GABRG3: variants seen among roughly 807,000 people sequenced by gnomAD.
GABRG3 encodes gamma-aminobutyric acid type A receptor subunit gamma3, also known as gamma-aminobutyric acid receptor subunit gamma-3.
Under a neutral mutation model 48.8 loss-of-function variants are expected in GABRG3, and 25 were observed. The ratio of observed to expected loss-of-function variants is 0.51; its 90% CI spans 0.37 to 0.72. GABRG3 has a LOEUF of 0.72. GABRG3 is among the 30% of genes least tolerant of loss of function. The probability of loss-of-function intolerance (pLI) is 0.00; values close to 1 mark genes in which losing one functional copy is unlikely to be tolerated. For missense variants in GABRG3, 394 were observed against 577.9 expected (o/e 0.68, Z 3.26); for synonymous variants, 227 against 217.6 (o/e 1.04, Z -0.38).
At chr15:27,011,603 T>G (rs1443075623) in intron 2 of GABRG3, among the ~76,000 whole-genome samples, 2 of 152,024 alleles carry the variant, frequency 1.3e-5, no homozygotes, top group African/African-American at 4.8e-5. Context: ...ATCCCAGCAC[T>G]TTGGGAGGCT....
intron 2 of GABRG3, among the ~76,000 whole-genome samples, chr15:27,003,046 G>A (rs964180147): frequency 3.3e-5 from 5 of 151,712 alleles, no homozygotes; most frequent in Admixed American, 1.3e-4. Flanking sequence ...TATCACATGT[G>A]AATATTTAAA....
chr15:27,394,837 C>G (rs1887252626), intron 5 of GABRG3, among the ~76,000 whole-genome samples: 1 of 152,058 alleles, frequency 6.6e-6, no homozygotes, highest in South Asian at 2.1e-4. Flanking sequence ...TCGTTAAGCC[C>G]TTGTACTATG....
In GABRG3 at chr15:26,984,230, T is replaced by C. The variant is rs941789519; in HGVS notation, c.202+7080T>C. 2.6e-5 allele frequency among the ~76,000 whole-genome samples: 4 copies of C among 152,278 alleles called. No individual in the cohort carries two copies. The East Asian group carries it at 7.7e-4, about 29-fold the overall frequency. On this transcript the variant is annotated intron_variant, in intron 2 of 9. Coordinates refer to ENST00000615808, the MANE Select transcript of GABRG3 (RefSeq NM_033223.5). ...ACAGCTGAGGACTGGTCTTTTTTTT[T>C]CCCTCTAGGGCGCTGTTTCCAATTC...
chr15:27,315,774 T>A (rs1425599359), intron 3 of GABRG3, among the ~76,000 whole-genome samples: 1 of 152,248 alleles, frequency 6.6e-6, no homozygotes, highest in African/African-American at 2.4e-5. Context: ...ATAATTAAAA[T>A]GTTCTTAGAT....
chr15:27,093,928 G>A (rs1897233342), intron 3 of GABRG3, among the ~76,000 whole-genome samples: 1 of 152,180 alleles, frequency 6.6e-6, no homozygotes, highest in Non-Finnish European at 1.5e-5. Context: ...AGTGCCATGG[G>A]ACACCTTCTC....
At chr15:27,133,643 T>C (rs543987631) in intron 3 of GABRG3, among the ~76,000 whole-genome samples, 20 of 152,366 alleles carry the variant, frequency 1.3e-4, no homozygotes, top group African/African-American at 4.6e-4. Context: ...AAAATCCAAA[T>C]ATGAATTTCT....
chr15:27,053,399 A>G (rs552021683), intron 3 of GABRG3, among the ~76,000 whole-genome samples: 1 of 152,346 alleles, frequency 6.6e-6, no homozygotes, highest in Admixed American at 6.5e-5. Flanking sequence ...CAACATCACT[A>G]ACCGTCAGAG....
chr15:27,310,727 T>C (rs1892966862), intron 3 of GABRG3, among the ~76,000 whole-genome samples: 1 of 152,150 alleles, frequency 6.6e-6, no homozygotes, highest in African/African-American at 2.4e-5. Context: ...GTTATCAATG[T>C]TTATTAGAAA....
Position 27,447,715 on chromosome 15 carries a change from A to T in GABRG3, c.575-32935A>T, listed in dbSNP as rs2140638582. Among the ~76,000 whole-genome samples the T allele has an allele frequency of 6.6e-6, 1 of 152,350 alleles. No homozygotes were observed. The highest frequency in any genetic ancestry group is 2.1e-4 in the South Asian group (1 of 4,828). On this transcript the variant is annotated intron_variant, in intron 5 of 9. Transcript: ENST00000615808. This position sits in a 1 kb window ranked among gnomAD's most constrained non-coding sequence, Gnocchi z 4.0. Reference sequence around the variant, plus strand: ...TTTCCTTTGCAGAGACATGGATGACACTGGAAACCATCATTCTCAGCAGAC... The same window carrying T: ...TTTCCTTTGCAGAGACATGGATGACTCTGGAAACCATCATTCTCAGCAGAC...
In GABRG3 at chr15:27,541,015, G is replaced by A. The variant is rs1891652009; in HGVS notation, c.*8134G>A. 6.6e-6 allele frequency: 1 copy of A among 152,266 alleles called. No individual in the cohort carries two copies. 9.4% of individuals were successfully genotyped at this position (152,266 alleles called of 1,614,324 possible). ...GGAGCAAGGGAGAGGGAGAAAGAGA[G>A]GACAGAGGGAGAGAGAGAAAGTGGC... On this transcript the variant is annotated 3_prime_UTR_variant, in exon 10 of 10. Transcript: ENST00000615808.
chr15:27,133,463 C>T (rs536008719), intron 3 of GABRG3, among the ~76,000 whole-genome samples: 11 of 152,296 alleles, frequency 7.2e-5, no homozygotes, highest in South Asian at 2.1e-4. Context: ...TTGCCCAAGG[C>T]GCTGGTGAGG....
chr15:27,164,756 C>T (rs550171014), intron 3 of GABRG3, among the ~76,000 whole-genome samples: 37 of 152,366 alleles, frequency 2.4e-4, no homozygotes, highest in Non-Finnish European at 4.6e-4. Flanking sequence ...TGTAATATCA[C>T]ATTGGTGAAA....
intron 3 of GABRG3, among the ~76,000 whole-genome samples, chr15:27,170,501 A>G (rs1454918556): frequency 6.6e-6 from 1 of 152,216 alleles, no homozygotes; most frequent in Non-Finnish European, 1.5e-5. Flanking sequence ...TAGAAACTCT[A>G]AAATGCTCAG....
chr15:27,091,898 T>C (rs1459074234), intron 3 of GABRG3, among the ~76,000 whole-genome samples: 1 of 152,186 alleles, frequency 6.6e-6, no homozygotes, highest in Non-Finnish European at 1.5e-5. Flanking sequence ...GTGGCAAACA[T>C]TCCTTGGTTG....
At chr15:27,412,300 A>G (rs954360294) in intron 5 of GABRG3, among the ~76,000 whole-genome samples, 1 of 152,012 alleles carries the variant, frequency 6.6e-6, no homozygotes, top group Admixed American at 6.6e-5. Context: ...CATTTCCACC[A>G]TCCTATGGAT....
chr15:27,141,633 T>G (rs1363552371), intron 3 of GABRG3, among the ~76,000 whole-genome samples: 1 of 152,190 alleles, frequency 6.6e-6, no homozygotes, highest in Non-Finnish European at 1.5e-5. Flanking sequence ...AGGGATAAGG[T>G]CTATGGCAAA....
At chr15:27,375,419 A>G in intron 5 of GABRG3, among the ~76,000 whole-genome samples, 1 of 152,252 alleles carries the variant, frequency 6.6e-6, no homozygotes, top group East Asian at 1.9e-4. Context: ...ACTTTGGGCT[A>G]TTGGTTGATA....
At chr15:27,480,532 A>G (rs1175374325) in intron 5 of GABRG3, 118 bp from the exon 6 acceptor site, 18 of 939,580 alleles carry the variant, frequency 1.9e-5, no homozygotes, top group Admixed American at 2.8e-5. Flanking sequence ...GAGAGTGCAC[A>G]TATGGCCTAA....
Position 27,002,525 on chromosome 15 carries a change from A to G in GABRG3, c.203-24229A>G, listed in dbSNP as rs1895468179. Among the ~76,000 whole-genome samples, 4 of 152,086 alleles carry G rather than the reference A, an allele frequency of 2.6e-5. No homozygotes were observed. In the South Asian group the frequency reaches 8.3e-4, roughly 32 times the overall value. On this transcript the variant is annotated intron_variant, in intron 2 of 9. Transcript: ENST00000615808. ...CATTCTACTTTTAGTGCAGCATTTC[A>G]TTTTTTTCTTTAGATATTATTTTTA...
Sources: gnomAD v4.1 joint callset for allele counts (sites outside exome capture counted in the v4.1 genomes callset) on GRCh38, gnomAD v4.1.1 for gene constraint, Gnocchi (gnomAD v3.1) non-coding constraint, MANE v1.5 for transcripts, NCBI Gene and HGNC (gene_info 2026-07-23, HGNC 2026-07-21) for gene names.